ELMO1: variants seen among roughly 807,000 people sequenced by gnomAD.
The protein encoded by ELMO1 is engulfment and cell motility 1.
In ELMO1, 26 loss-of-function variants were observed where a neutral mutation model predicts 98.9. The observed-to-expected ratio is 0.26, with a 90% CI of 0.19 to 0.36. The LOEUF is 0.36. ELMO1 is among the 10% of genes least tolerant of loss of function. The probability of loss-of-function intolerance (pLI) is 1.00; values close to 1 mark genes in which losing one functional copy is unlikely to be tolerated. For synonymous variants in ELMO1, 346 were observed against 346.0 expected, an observed-to-expected ratio of 1.00 and a Z score of 0.00; for missense variants, 627 against 935.2, an observed-to-expected ratio of 0.67 and a Z score of 4.30.
intron 1 of ELMO1, among the ~76,000 whole-genome samples, chr7:37,399,462 C>A (rs1255647585): frequency 1.2e-4 from 18 of 152,212 alleles, no homozygotes; most frequent in Admixed American, 6.5e-5. Context: ...GCACCAGGCA[C>A]ATGTTATTCC....
intron 2 of ELMO1, 76 bp from the exon 3 acceptor site, chr7:37,316,036 T>C (rs1328647962): frequency 5.2e-6 from 6 of 1,153,264 alleles, no homozygotes; most frequent in Middle Eastern, 2.3e-4. Context: ...AGAAGCTTCA[T>C]AAAAAGATTA....
intron 16 of ELMO1, among the ~76,000 whole-genome samples, chr7:36,934,153 TTGGGCCA>T (rs1166609004): frequency 6.6e-6 from 1 of 151,968 alleles, no homozygotes; most frequent in Non-Finnish European, 1.5e-5. Flanking sequence ...CTTGCAGAGA[TTGGGCCA>T]TGATAGCAAG....
At chr7:36,933,329 G>A (rs575914038) in intron 16 of ELMO1, among the ~76,000 whole-genome samples, 1 of 152,292 alleles carries the variant, frequency 6.6e-6, no homozygotes, top group Admixed American at 6.5e-5. Context: ...GCCCCAGACA[G>A]GAAGAACTAG....
chr7:37,099,985 C>A (rs1384400263), intron 14 of ELMO1, among the ~76,000 whole-genome samples: 1 of 152,106 alleles, frequency 6.6e-6, no homozygotes, highest in African/African-American at 2.4e-5. Flanking sequence ...AAGAGCCCAC[C>A]ACCACACCCA....
chr7:36,942,988 G>A (rs931001965), intron 16 of ELMO1, among the ~76,000 whole-genome samples: 1 of 152,204 alleles, frequency 6.6e-6, no homozygotes, highest in Non-Finnish European at 1.5e-5. Flanking sequence ...ACCATGACCA[G>A]CCACCTTCAG....
chr7:36,904,984 GC>G (rs1783851700), intron 16 of ELMO1, among the ~76,000 whole-genome samples: 1 of 152,226 alleles, frequency 6.6e-6, no homozygotes, highest in Admixed American at 6.5e-5. Context: ...GTCTAATGGA[GC>G]CTGCCTCAGG....
intron 16 of ELMO1, among the ~76,000 whole-genome samples, chr7:36,915,651 C>T (rs1044694985): frequency 3.9e-5 from 6 of 152,206 alleles, no homozygotes; most frequent in Non-Finnish European, 5.9e-5. Flanking sequence ...TTCCAATCTT[C>T]CTTTCTGAGG....
chr7:37,003,888 T>C (rs1792862823), intron 16 of ELMO1, among the ~76,000 whole-genome samples: 1 of 152,152 alleles, frequency 6.6e-6, no homozygotes, highest in South Asian at 2.1e-4. Flanking sequence ...CTAGGGCCCC[T>C]TGTTGCCCTC....
chr7:37,387,355 C>T (rs1218138930), intron 1 of ELMO1, among the ~76,000 whole-genome samples: 1 of 152,230 alleles, frequency 6.6e-6, no homozygotes, highest in Non-Finnish European at 1.5e-5. Flanking sequence ...TGTTTCAGGC[C>T]TCCCTCCTAG....
intron 1 of ELMO1, among the ~76,000 whole-genome samples, chr7:37,409,046 C>T (rs576930232): frequency 8.0e-5 from 12 of 150,376 alleles, no homozygotes; most frequent in East Asian, 7.8e-4. Flanking sequence ...TCTGAAACAA[C>T]GGAAAGCACA....
In ELMO1 at chr7:36,902,713, T is replaced by A. The variant is rs1210780995; in HGVS notation, c.1438-7696A>T. On this transcript the variant is annotated intron_variant, in intron 16 of 21. Coordinates refer to ENST00000310758, the MANE Select transcript of ELMO1 (RefSeq NM_014800.11). The stretch of plus-strand genomic sequence containing the variant: ...CTCTGAGGGTGTCTTTGGTAAGTGA[T>A]GGCAAGTGATGTAGCAATGATCAAA... Among the ~76,000 whole-genome samples, 4 of 152,212 alleles carry A rather than the reference T, an allele frequency of 2.6e-5. No homozygotes were observed. In the South Asian group the frequency reaches 8.3e-4, roughly 31 times the overall value.
intron 14 of ELMO1, among the ~76,000 whole-genome samples, chr7:37,107,345 G>C (rs181996622): frequency 2.6e-5 from 4 of 152,184 alleles, no homozygotes; most frequent in Admixed American, 2.0e-4. Context: ...TCATGGAGAG[G>C]GTGAGCCTTG....
At chr7:37,251,929 C>A (rs1795369918) in intron 6 of ELMO1, among the ~76,000 whole-genome samples, 1 of 152,160 alleles carries the variant, frequency 6.6e-6, no homozygotes, top group Non-Finnish European at 1.5e-5. Context: ...CATTCCTATA[C>A]ACCAATAATA....
intron 8 of ELMO1, among the ~76,000 whole-genome samples, chr7:37,232,422 C>A (rs1794227471): frequency 6.6e-6 from 1 of 152,148 alleles, no homozygotes. Context: ...TTAAGAGTGA[C>A]AAGATCAAGA....
chr7:37,253,282 G>T (rs1795457575), intron 6 of ELMO1, among the ~76,000 whole-genome samples: 1 of 152,210 alleles, frequency 6.6e-6, no homozygotes, highest in Admixed American at 6.5e-5. Flanking sequence ...GCACACGTAT[G>T]TTTATTGCAG....
At chr7:36,915,329 C>T (rs548958962) in intron 16 of ELMO1, among the ~76,000 whole-genome samples, 40 of 152,222 alleles carry the variant, frequency 2.6e-4, no homozygotes, top group Non-Finnish European at 4.1e-4. Flanking sequence ...CAGAACACTA[C>T]TCATAATATA....
In ELMO1 at chr7:37,411,691, T is replaced by A. The variant is rs541684183; in HGVS notation, c.-74+36984A>T. ...ATTGTTATGTTGAGAAAACTAATAT[T>A]CATATGACTAATGAGCATATTTTTT... is the stretch of plus-strand genomic sequence containing the variant. On this transcript the variant is annotated intron_variant, in intron 1 of 21. Coordinates refer to ENST00000310758, the MANE Select transcript of ELMO1 (RefSeq NM_014800.11). Among the ~76,000 whole-genome samples the A allele has an allele frequency of 4.1e-4, 62 of 152,346 alleles. 1 individual carries two copies. In the Middle Eastern group the frequency reaches 0.02, roughly 50 times the overall value.
intron 5 of ELMO1, among the ~76,000 whole-genome samples, chr7:37,266,017 G>A (rs184591304): frequency 6.6e-5 from 10 of 152,214 alleles, no homozygotes; most frequent in Non-Finnish European, 2.9e-5. Context: ...GGTAGCCCAA[G>A]CCCCCTGCAT....
chr7:37,107,306 C>T (rs980177803), intron 14 of ELMO1, among the ~76,000 whole-genome samples: 1 of 152,122 alleles, frequency 6.6e-6, no homozygotes. Context: ...AGTGAAGGTG[C>T]ACATGAGATG....
Sources: allele counts gnomAD v4.1 joint callset (sites outside exome capture counted in the v4.1 genomes callset), GRCh38; gene constraint gnomAD v4.1.1; transcripts MANE v1.5; gene names NCBI Gene and HGNC (gene_info 2026-07-23, HGNC 2026-07-21).